The following SMAP1 variants were observed in gnomAD, a reference collection of about 807,000 sequenced individuals.
The protein encoded by SMAP1 is stromal membrane-associated protein 1.
Under a neutral mutation model 58.5 loss-of-function variants are expected in SMAP1, and 24 were observed. That is an observed-to-expected ratio of 0.41 (90% CI 0.30 to 0.58). SMAP1 has a LOEUF of 0.58. Ranked by LOEUF, SMAP1 falls within the 20% of genes least tolerant of loss-of-function variation. The pLI is 0.29. For synonymous variants in SMAP1, 216 were observed against 196.6 expected, an observed-to-expected ratio of 1.10 and a Z score of -0.82; for missense variants, 563 against 566.3, an observed-to-expected ratio of 0.99 and a Z score of 0.06.
chr6:70,696,224 C>G (rs1011868192), intron 1 of SMAP1, among the ~76,000 whole-genome samples: 2 of 151,680 alleles, frequency 1.3e-5, no homozygotes, highest in African/African-American at 4.8e-5. Context: ...TTTCATTGAT[C>G]TTTTGTATTA....
At chr6:70,695,831 A>G (rs914047295) in intron 1 of SMAP1, among the ~76,000 whole-genome samples, 1 of 152,080 alleles carries the variant, frequency 6.6e-6, no homozygotes, top group African/African-American at 2.4e-5. Context: ...TATTTGTCCG[A>G]ATAGTTTGAG....
At chr6:70,784,689 A>T (rs1318006751) in intron 4 of SMAP1, among the ~76,000 whole-genome samples, 1 of 152,230 alleles carries the variant, frequency 6.6e-6, no homozygotes, top group Non-Finnish European at 1.5e-5. Flanking sequence ...ACCAACAAAG[A>T]TCAAAAGAGA....
chr6:70,742,013 G>A (rs552705801), intron 2 of SMAP1, among the ~76,000 whole-genome samples: 38 of 152,286 alleles, frequency 2.5e-4, no homozygotes, highest in African/African-American at 8.9e-4. Context: ...CACAGCAGGG[G>A]GCCCTGGCCC....
chr6:70,861,375 G>A lies in SMAP1; in HGVS notation c.*1041G>A, dbSNP rs1771720018. The A allele has an allele frequency of 2.9e-6, 1 of 341,046 alleles. No homozygotes were observed. Among genetic ancestry groups the A allele is most frequent in the Non-Finnish European group, 5.4e-6 (1 of 184,762 alleles). The allele number at this position is 341,046 out of a possible 1,614,324, so 21.1% of individuals were successfully genotyped here. On this transcript the variant is annotated 3_prime_UTR_variant, in exon 11 of 11. Transcript: ENST00000370455. Reference sequence around the variant, plus strand: ...AGAAAAAGAAAAAATATATACTCAAGAGTGGTATCTTGCAGTATCGGCACT... The same window carrying A: ...AGAAAAAGAAAAAATATATACTCAAAAGTGGTATCTTGCAGTATCGGCACT...
chr6:70,682,086 AG>A (rs1766733902), intron 1 of SMAP1, among the ~76,000 whole-genome samples: 2 of 150,332 alleles, frequency 1.3e-5, no homozygotes, highest in Admixed American at 6.7e-5. Context: ...CTGAAATGTG[AG>A]GGGACAATTA....
At position 70,779,420 on chromosome 6, in the gene SMAP1, A is replaced by C. The variant is rs1767671832; in HGVS notation, c.414+5995A>C. Reference sequence around the variant, plus strand: ...TGGTCCCAGTGGGTGGGTGAGATCCAGTATGAATTCTCTCTGAGATAGTTT... The same window carrying C: ...TGGTCCCAGTGGGTGGGTGAGATCCCGTATGAATTCTCTCTGAGATAGTTT... On this transcript the variant is annotated intron_variant, in intron 4 of 10. Coordinates refer to ENST00000370455, the MANE Select transcript of SMAP1 (RefSeq NM_001044305.3). 2.0e-5 allele frequency among the ~76,000 whole-genome samples: 3 copies of C among 152,312 alleles called. No individual in the cohort carries two copies. In the South Asian group the frequency reaches 6.2e-4, roughly 32 times the overall value.
chr6:70,736,557 A>C (rs1016176011), intron 2 of SMAP1, among the ~76,000 whole-genome samples: 2 of 152,214 alleles, frequency 1.3e-5, no homozygotes, highest in African/African-American at 2.4e-5. Flanking sequence ...GTCTATAGTG[A>C]TAGTTATTAA....
chr6:70,777,262 A>G (rs1229396910), intron 4 of SMAP1, among the ~76,000 whole-genome samples: 3 of 152,270 alleles, frequency 2.0e-5, no homozygotes, highest in South Asian at 2.1e-4. Context: ...TGTACCTCAG[A>G]TGGAAATGCA....
At chr6:70,797,204 C>T (rs1768642561) in intron 5 of SMAP1, among the ~76,000 whole-genome samples, 1 of 152,004 alleles carries the variant, frequency 6.6e-6, no homozygotes, top group Non-Finnish European at 1.5e-5. Context: ...TTTTTCCTTT[C>T]CTCTTTTTAA....
chr6:70,690,387 A>G (rs1158950150), intron 1 of SMAP1, among the ~76,000 whole-genome samples: 1 of 151,714 alleles, frequency 6.6e-6, no homozygotes, highest in Admixed American at 6.6e-5. Flanking sequence ...GCTCACTGCA[A>G]CCTCCGCCTC....
intron 3 of SMAP1, among the ~76,000 whole-genome samples, chr6:70,758,925 G>A (rs930543683): frequency 1.3e-5 from 2 of 152,146 alleles, no homozygotes; most frequent in Admixed American, 1.3e-4. Flanking sequence ...ACTTTGGGCA[G>A]ATTGATACTT....
chr6:70,695,337 A>G (rs1767357279), intron 1 of SMAP1, among the ~76,000 whole-genome samples: 1 of 152,184 alleles, frequency 6.6e-6, no homozygotes, highest in South Asian at 2.1e-4. Context: ...CAGTAGTGAC[A>G]GTGGGCATCC....
rs1464281961 is a variant in SMAP1 at position 70,840,981 on chromosome 6, CTG to C, written c.664+3956_664+3957del. Among the ~76,000 whole-genome samples the C allele has an allele frequency of 6.6e-5, 10 of 152,282 alleles. No individual in the cohort carries two copies. In the East Asian group the frequency reaches 1.7e-3, roughly 26 times the overall value. ...CCTTACTTAGGAAGCTAGTTTAGGA[CTG>C]TGAATTATACTGTTAGGGTAGTGTC... On this transcript the variant is annotated intron_variant, in intron 7 of 10. Transcript: ENST00000370455.
rs117228840 is a variant in SMAP1, at chr6:70,821,133, A to G, written c.577-15808A>G. On this transcript the variant is annotated intron_variant, in intron 6 of 10. Coordinates refer to ENST00000370455, the MANE Select transcript of SMAP1 (RefSeq NM_001044305.3). ...AGAGAAAAATTAAGAGGATTATTAA[A>G]AACTTTGAATCACTATTTAGATTTA... Among the ~76,000 whole-genome samples, 109 of 152,250 alleles carry G rather than the reference A, an allele frequency of 7.2e-4. 1 individual carries two copies. The East Asian group carries it at 0.02, about 28-fold the overall frequency.
At chr6:70,753,171 A>G (rs1423456372) in intron 2 of SMAP1, among the ~76,000 whole-genome samples, 1 of 152,160 alleles carries the variant, frequency 6.6e-6, no homozygotes, top group Non-Finnish European at 1.5e-5. Context: ...CCAATAAGAA[A>G]AAAAATACCA....
At position 70,860,185 on chromosome 6, in the gene SMAP1, T is replaced by TTA. The variant is rs1357113558; in HGVS notation, c.1270-11_1270-10dup. The TTA allele has an allele frequency of 4.4e-6, 7 of 1,598,464 alleles. No individual in the cohort carries two copies. Among genetic ancestry groups the TTA allele is most frequent in the Non-Finnish European group, 5.1e-6 (6 of 1,173,894 alleles). ...AAGTAAGCCTCTTGAACTAAGCCTT[T>TTA]TATATGTTTCACAGATGAATCAGCA... On this transcript the variant is annotated splice_polypyrimidine_tract_variant and intron_variant, in intron 10 of 10. Coordinates refer to ENST00000370455, the MANE Select transcript of SMAP1 (RefSeq NM_001044305.3).
chr6:70,771,858 C>CCT lies in SMAP1; in HGVS notation c.339-1492_339-1491insCT, dbSNP rs1767333793. ...TCTTCTGCGTCGCTCACGCTGGGAG[C>CCT]TGTAGACCGGAGCTGTTCCTATTTG... On this transcript the variant is annotated intron_variant, in intron 3 of 10. Coordinates refer to ENST00000370455, the MANE Select transcript of SMAP1 (RefSeq NM_001044305.3). 2.0e-5 allele frequency among the ~76,000 whole-genome samples: 3 copies of CCT among 152,182 alleles called. 1 individual carries two copies. The South Asian group carries it at 6.2e-4, about 32-fold the overall frequency.
intron 8 of SMAP1, among the ~76,000 whole-genome samples, chr6:70,856,180 T>C (rs1771413975): frequency 6.6e-6 from 1 of 152,188 alleles, no homozygotes; most frequent in Non-Finnish European, 1.5e-5. Flanking sequence ...AGGTTAGCAG[T>C]TGTGATTGTA....
chr6:70,790,502 A>T (rs1209928411), intron 4 of SMAP1, among the ~76,000 whole-genome samples: 1 of 151,612 alleles, frequency 6.6e-6, no homozygotes, highest in Non-Finnish European at 1.5e-5. Context: ...TTAAGGCTCG[A>T]CTTTGCCTTT....
Sources: gnomAD v4.1 joint callset for allele counts (sites outside exome capture counted in the v4.1 genomes callset) on GRCh38, gnomAD v4.1.1 for gene constraint, MANE v1.5 for transcripts, NCBI Gene and HGNC (gene_info 2026-07-23, HGNC 2026-07-21) for gene names.